The following FGGY variants were observed in gnomAD, a reference collection of about 807,000 sequenced individuals.
FGGY encodes the protein FGGY carbohydrate kinase domain containing, also known as FGGY carbohydrate kinase domain-containing protein.
Under a neutral mutation model 71.3 loss-of-function variants are expected in FGGY, and 72 were observed. The ratio of observed to expected loss-of-function variants is 1.01; its 90% CI spans 0.84 to 1.23. FGGY has a LOEUF of 1.23. FGGY is among the 50% of genes most tolerant of loss of function. The probability of loss-of-function intolerance (pLI) is 0.00; values close to 1 mark genes in which losing one functional copy is unlikely to be tolerated. For missense variants in FGGY, 668 were observed against 682.3 expected (o/e 0.98, Z 0.23); for synonymous variants, 251 against 250.3 (o/e 1.00, Z -0.02).
At chr1:59,329,312 T>TA (rs34447154) in intron 2 of FGGY, among the ~76,000 whole-genome samples, 64,014 of 151,856 alleles carry the variant, frequency 0.42, 14,167 homozygotes, top group African/African-American at 0.55. Flanking sequence ...GCACTGTATC[T>TA]AAAAAAAAGG....
At chr1:59,555,602 T>C (rs2095672205) in intron 8 of FGGY, among the ~76,000 whole-genome samples, 1 of 152,206 alleles carries the variant, frequency 6.6e-6, no homozygotes, top group Admixed American at 6.5e-5. Context: ...TGCAGGGTGA[T>C]AGAATCTTCT....
intron 14 of FGGY, among the ~76,000 whole-genome samples, chr1:59,686,051 G>A (rs61788948): frequency 0.13 from 20,335 of 152,100 alleles, 1,806 homozygotes; most frequent in Non-Finnish European, 0.2. Context: ...ATAGAAGAAG[G>A]CAGAATTCAT....
intron 5 of FGGY, among the ~76,000 whole-genome samples, chr1:59,454,806 A>G (rs548362157): frequency 1.4e-4 from 22 of 152,346 alleles, no homozygotes; most frequent in Admixed American, 3.9e-4. Flanking sequence ...GTGACTGCAA[A>G]AGACTAGATA....
Position 59,626,098 on chromosome 1 carries a change from T to C in FGGY, c.1073+49T>C, listed in dbSNP as rs1368315725. 1.0e-5 allele frequency: 16 copies of C among 1,529,080 alleles called. No individual in the cohort carries two copies. In the East Asian group the frequency reaches 3.6e-4, roughly 35 times the overall value. The allele number at this position is 1,529,080 out of a possible 1,614,324, so 94.7% of individuals were successfully genotyped here. Reference sequence around the variant, plus strand: ...TAAAATTTTCCTTGTGTGACTGTATTGAGAGAATTCACGTTGGGCAGTTGG... The same window carrying C: ...TAAAATTTTCCTTGTGTGACTGTATCGAGAGAATTCACGTTGGGCAGTTGG... On this transcript the variant is annotated intron_variant, in intron 10 of 15. Transcript: ENST00000303721.
chr1:59,486,749 T>A (rs992741273), intron 6 of FGGY, among the ~76,000 whole-genome samples: 2 of 152,138 alleles, frequency 1.3e-5, no homozygotes, highest in Non-Finnish European at 2.9e-5. Context: ...ACTTACTTGC[T>A]CTACTGTGTG....
intron 11 of FGGY, among the ~76,000 whole-genome samples, chr1:59,652,787 T>C (rs1205838829): frequency 6.6e-6 from 1 of 152,184 alleles, no homozygotes; most frequent in African/African-American, 2.4e-5. Context: ...TTTGTTCCGT[T>C]GCTGGTGAGG....
intron 14 of FGGY, among the ~76,000 whole-genome samples, chr1:59,757,092 T>C (rs2101839969): frequency 6.6e-6 from 1 of 152,308 alleles, no homozygotes; most frequent in East Asian, 1.9e-4. Context: ...AGGAATTCAA[T>C]AGCCGTTCCT....
chr1:59,507,338 G>A (rs966162167), intron 6 of FGGY, among the ~76,000 whole-genome samples: 2 of 152,200 alleles, frequency 1.3e-5, no homozygotes, highest in Non-Finnish European at 2.9e-5. Context: ...CAGTCACTGT[G>A]TATGAAGAAA....
intron 5 of FGGY, among the ~76,000 whole-genome samples, chr1:59,432,876 G>T (rs920766292): frequency 6.6e-6 from 1 of 152,136 alleles, no homozygotes. Flanking sequence ...ATAAGTAAAC[G>T]GCAAAGCTAT....
chr1:59,643,034 CAAA>C (rs965526400), intron 11 of FGGY, among the ~76,000 whole-genome samples: 39 of 53,126 alleles, frequency 7.3e-4, no homozygotes, highest in Admixed American at 6.6e-3. Flanking sequence ...GACTCCATCT[CAAA>C]AAAAAAAAAA....
intron 6 of FGGY, among the ~76,000 whole-genome samples, chr1:59,471,835 G>A (rs768453753): frequency 4.1e-4 from 62 of 152,244 alleles, no homozygotes; most frequent in Admixed American, 1.7e-3. Context: ...TAACTCTACA[G>A]ATGTCCAAGA....
intron 14 of FGGY, among the ~76,000 whole-genome samples, chr1:59,722,434 A>T (rs973023115): frequency 1.3e-4 from 20 of 152,236 alleles, no homozygotes; most frequent in African/African-American, 3.9e-4. Context: ...GTAAGTTACG[A>T]TCTACCTCCT....
chr1:59,434,840 T>G (rs2068084561), intron 5 of FGGY, among the ~76,000 whole-genome samples: 1 of 152,062 alleles, frequency 6.6e-6, no homozygotes, highest in Admixed American at 6.6e-5. Flanking sequence ...CACAGGAATT[T>G]TGAGGGGGGG....
chr1:59,522,374 A>C (rs971632545), intron 7 of FGGY, among the ~76,000 whole-genome samples: 5 of 152,208 alleles, frequency 3.3e-5, no homozygotes, highest in African/African-American at 1.2e-4. Context: ...CTTCTGCTTA[A>C]TATCCTTCTG....
intron 6 of FGGY, among the ~76,000 whole-genome samples, chr1:59,475,425 T>C (rs2093214787): frequency 6.6e-6 from 1 of 152,258 alleles, no homozygotes; most frequent in African/African-American, 2.4e-5. Flanking sequence ...TAATAATGGC[T>C]AATGTTCCTA....
intron 7 of FGGY, among the ~76,000 whole-genome samples, chr1:59,528,869 T>C (rs980253809): frequency 6.6e-6 from 1 of 152,382 alleles, no homozygotes; most frequent in African/African-American, 2.4e-5. Flanking sequence ...ATATACTGTC[T>C]GCTTTACTGT....
chr1:59,624,529 C>T (rs762849574), intron 9 of FGGY, among the ~76,000 whole-genome samples: 24 of 151,966 alleles, frequency 1.6e-4, no homozygotes, highest in Non-Finnish European at 2.9e-4. Context: ...TGTATTAGTC[C>T]GTTTTCATAC....
At chr1:59,694,778 G>C (rs568375363) in intron 14 of FGGY, among the ~76,000 whole-genome samples, 1 of 151,222 alleles carries the variant, frequency 6.6e-6, no homozygotes, top group South Asian at 2.1e-4. Context: ...TCCCTCCTCA[G>C]TTTTCCAGGT....
intron 7 of FGGY, among the ~76,000 whole-genome samples, chr1:59,517,615 A>G (rs975528618): frequency 2.6e-5 from 4 of 152,088 alleles, no homozygotes; most frequent in African/African-American, 7.2e-5. Flanking sequence ...CTGACTTCCC[A>G]AGTTGACTTA....
Sources: gnomAD v4.1 joint callset for allele counts (sites outside exome capture counted in the v4.1 genomes callset) on GRCh38, gnomAD v4.1.1 for gene constraint, MANE v1.5 for transcripts, NCBI Gene and HGNC (gene_info 2026-07-23, HGNC 2026-07-21) for gene names.